KLHL1: variants seen among roughly 807,000 people sequenced by gnomAD.
The protein encoded by KLHL1 is kelch like family member 1.
In KLHL1, 47 loss-of-function variants were observed where a neutral mutation model predicts 77.7. The observed-to-expected ratio is 0.60, with a 90% CI of 0.48 to 0.77. The LOEUF is 0.77. Among genes scored for constraint, KLHL1 ranks in the 30% least tolerant of loss-of-function variants. The pLI is 0.00. For missense variants in KLHL1, 925 were observed against 910.8 expected (o/e 1.02, Z -0.20); for synonymous variants, 360 against 325.2 (o/e 1.11, Z -1.15).
intron 5 of KLHL1, among the ~76,000 whole-genome samples, 195 bp from the exon 6 acceptor site, chr13:69,839,357 TA>T (rs1879152649): frequency 6.6e-6 from 1 of 151,930 alleles, no homozygotes; most frequent in Non-Finnish European, 1.5e-5. Context: ...GAATGGATAT[TA>T]TTTTTGATTC....
At chr13:70,050,421 T>TA (rs930769838) in intron 1 of KLHL1, among the ~76,000 whole-genome samples, 18 of 146,234 alleles carry the variant, frequency 1.2e-4, no homozygotes, top group East Asian at 5.9e-4. Context: ...TATGTTCAGT[T>TA]AAAAAAAAAA....
chr13:69,798,180 C>G (rs1455979702), intron 6 of KLHL1, among the ~76,000 whole-genome samples: 1 of 152,164 alleles, frequency 6.6e-6, no homozygotes, highest in Non-Finnish European at 1.5e-5. Context: ...GTTATACCTT[C>G]AATCATGAAA....
chr13:69,901,761 A>G (rs1414767820), intron 4 of KLHL1, among the ~76,000 whole-genome samples: 1 of 151,166 alleles, frequency 6.6e-6, no homozygotes, highest in Admixed American at 6.6e-5. Flanking sequence ...GTGGAGCACA[A>G]TGAGTTTTTC....
rs576305006 is a variant in KLHL1, at chr13:69,776,071, G to A, written c.1639+20667C>T. Among the ~76,000 whole-genome samples, 432 of 151,882 alleles carry A rather than the reference G, an allele frequency of 2.8e-3. 3 individuals carry two copies. The highest frequency in any genetic ancestry group is 1.0e-2 in the African/African-American group (414 of 41,464). On this transcript the variant is annotated intron_variant, in intron 7 of 10. Coordinates refer to ENST00000377844, the MANE Select transcript of KLHL1 (RefSeq NM_020866.3). ...CTAGGGAGGCTGAGGCAGGAGAATG[G>A]CATGAACTCGGGAGGTGGAGCTTGC...
At chr13:69,876,764 G>A (rs1284011286) in intron 5 of KLHL1, among the ~76,000 whole-genome samples, 2 of 152,162 alleles carry the variant, frequency 1.3e-5, no homozygotes, top group African/African-American at 2.4e-5. Flanking sequence ...CCGGCCTGGA[G>A]CAGTGGCTCA....
chr13:69,719,905 G>C (rs1376553992), intron 8 of KLHL1, among the ~76,000 whole-genome samples: 1 of 151,748 alleles, frequency 6.6e-6, no homozygotes, highest in African/African-American at 2.4e-5. Context: ...ATTAAGAAAT[G>C]GCTATTAAAA....
At chr13:69,881,428 G>T (rs954198220) in intron 5 of KLHL1, among the ~76,000 whole-genome samples, 1 of 152,036 alleles carries the variant, frequency 6.6e-6, no homozygotes, top group Non-Finnish European at 1.5e-5. Context: ...GAGGAATCTG[G>T]TGAATGAGAT....
At chr13:69,966,233 G>A (rs1884207090) in intron 2 of KLHL1, among the ~76,000 whole-genome samples, 1 of 152,090 alleles carries the variant, frequency 6.6e-6, no homozygotes, top group South Asian at 2.1e-4. Flanking sequence ...AGCTTCAAAG[G>A]ACAGGCTAAC....
chr13:69,861,413 T>A (rs1880153630), intron 5 of KLHL1, among the ~76,000 whole-genome samples: 1 of 152,094 alleles, frequency 6.6e-6, no homozygotes, highest in Non-Finnish European at 1.5e-5. Flanking sequence ...TAAAATAGCA[T>A]CAGTGATTTC....
At chr13:70,017,017 C>T (rs1284212479) in intron 1 of KLHL1, among the ~76,000 whole-genome samples, 1 of 152,186 alleles carries the variant, frequency 6.6e-6, no homozygotes, top group Admixed American at 6.5e-5. Context: ...ATATGGACAA[C>T]CTGCATGCAG....
chr13:69,973,544 CAA>C (rs1413322580), intron 2 of KLHL1, among the ~76,000 whole-genome samples: 1 of 151,414 alleles, frequency 6.6e-6, no homozygotes, highest in Non-Finnish European at 1.5e-5. Context: ...TGCTTAAAGA[CAA>C]TATTTAGTTG....
intron 4 of KLHL1, among the ~76,000 whole-genome samples, chr13:69,935,911 A>G (rs531721895): frequency 4.6e-5 from 7 of 152,344 alleles, no homozygotes; most frequent in African/African-American, 7.2e-5. Context: ...AAAAAATTCA[A>G]TGGAGAATGC....
intron 7 of KLHL1, among the ~76,000 whole-genome samples, chr13:69,786,092 G>T (rs1043301563): frequency 6.6e-6 from 1 of 152,116 alleles, no homozygotes; most frequent in African/African-American, 2.4e-5. Context: ...GGAGGAGCTG[G>T]TACCATTCCT....
At chr13:69,961,574 C>T in intron 2 of KLHL1, 130 bp from the exon 3 acceptor site, 2 of 957,034 alleles carry the variant, frequency 2.1e-6, no homozygotes, top group African/African-American at 1.6e-5. Flanking sequence ...TTTATTGCCT[C>T]ATGAGTTGTA....
chr13:69,871,250 G>C (rs1024643908), intron 5 of KLHL1, among the ~76,000 whole-genome samples: 4 of 152,072 alleles, frequency 2.6e-5, no homozygotes, highest in Non-Finnish European at 4.4e-5. Context: ...CCTGGATATG[G>C]GGAGCAGTAC....
chr13:69,820,729 G>A (rs1228647377), intron 6 of KLHL1, among the ~76,000 whole-genome samples: 2 of 152,164 alleles, frequency 1.3e-5, no homozygotes, highest in African/African-American at 2.4e-5. Flanking sequence ...ATACATCAAA[G>A]AATGCTGTTA....
At chr13:69,935,829 C>T (rs17085696) in intron 4 of KLHL1, among the ~76,000 whole-genome samples, 7,560 of 152,072 alleles carry the variant, frequency 0.05, 444 homozygotes, top group African/African-American at 0.14. Context: ...TAAAGAAAGT[C>T]CTGCAAAAGT....
intron 1 of KLHL1, among the ~76,000 whole-genome samples, chr13:70,027,422 C>G (rs986407389): frequency 2.6e-5 from 4 of 151,870 alleles, no homozygotes; most frequent in African/African-American, 9.7e-5. Flanking sequence ...CCCAACACAG[C>G]TTACCTTTCT....
At chr13:70,066,840 T>A (rs9317874) in intron 1 of KLHL1, among the ~76,000 whole-genome samples, 31,862 of 152,164 alleles carry the variant, frequency 0.21, 4,126 homozygotes, top group African/African-American at 0.37. Context: ...CCAAATTTTA[T>A]CATAACAGAA....
Sources: gnomAD v4.1 joint callset for allele counts (sites outside exome capture counted in the v4.1 genomes callset) on GRCh38, gnomAD v4.1.1 for gene constraint, MANE v1.5 for transcripts, NCBI Gene and HGNC (gene_info 2026-07-23, HGNC 2026-07-21) for gene names.